The following ERG variants were observed in gnomAD, a reference collection of about 807,000 sequenced individuals.
The protein encoded by ERG is transcriptional regulator ERG.
In ERG, 9 loss-of-function variants were observed where a neutral mutation model predicts 55.3. The observed-to-expected ratio is 0.16, with a 90% CI of 0.10 to 0.28. The LOEUF (loss-of-function observed/expected upper bound fraction) is 0.28. Ranked by LOEUF, ERG falls within the 10% of genes least tolerant of loss-of-function variation. The pLI, the probability that ERG is intolerant of heterozygous loss-of-function variation, is 1.00. For synonymous variants in ERG, 223 were observed against 237.3 expected (o/e 0.94, Z 0.55); for missense variants, 434 against 631.6 (o/e 0.69, Z 3.35).
intron 2 of ERG, among the ~76,000 whole-genome samples, chr21:38,539,496 A>G (rs1464105208): frequency 6.6e-6 from 1 of 152,242 alleles, no homozygotes; most frequent in African/African-American, 2.4e-5. Flanking sequence ...GTAAAATTAC[A>G]TGATTCACAT....
intron 2 of ERG, among the ~76,000 whole-genome samples, chr21:38,513,450 C>G (rs575284271): frequency 6.6e-6 from 1 of 152,124 alleles, no homozygotes; most frequent in African/African-American, 2.4e-5. Context: ...AGAAGTATAT[C>G]AGTATGAGGA....
At chr21:38,430,753 C>G (rs1005750716) in intron 2 of ERG, among the ~76,000 whole-genome samples, 4 of 152,156 alleles carry the variant, frequency 2.6e-5, no homozygotes, top group Admixed American at 2.0e-4. Flanking sequence ...TAGCAACACC[C>G]TTGGGGCCAC....
chr21:38,584,279 T>TGC (rs1036117091), intron 1 of ERG, among the ~76,000 whole-genome samples: 6 of 152,356 alleles, frequency 3.9e-5, no homozygotes, highest in South Asian at 2.1e-4. Context: ...CTCATGGGCA[T>TGC]GCCTTAGAGA....
At chr21:38,563,158 G>A (rs372111713) in intron 2 of ERG, among the ~76,000 whole-genome samples, 1 of 152,364 alleles carries the variant, frequency 6.6e-6, no homozygotes, top group East Asian at 1.9e-4. Context: ...GTGAATTTGA[G>A]GGGCAGTGAA....
chr21:38,507,245 C>T (rs1568865433), intron 2 of ERG, among the ~76,000 whole-genome samples: 1 of 152,172 alleles, frequency 6.6e-6, no homozygotes, highest in African/African-American at 2.4e-5. Flanking sequence ...GGGGAGCCTT[C>T]GTGATATTTC....
chr21:38,639,096 G>A (rs1354079771), intron 1 of ERG, among the ~76,000 whole-genome samples: 1 of 152,050 alleles, frequency 6.6e-6, no homozygotes, highest in Non-Finnish European at 1.5e-5. Context: ...AGGAGATGCT[G>A]ACCAACCCAA....
rs138787898 is a variant in ERG at position 38,557,147 on chromosome 21, T to C, written c.-41+18515A>G. 6.6e-4 allele frequency among the ~76,000 whole-genome samples: 101 copies of C among 152,334 alleles called. 1 individual carries two copies. In the East Asian group the frequency reaches 0.017, roughly 25 times the overall value. ...ACTCAGGAAGAGAAAGTTCTAAATG[T>C]TTCTGTGACCTTGTGCCACTGATAT... On this transcript the variant is annotated intron_variant, in intron 2 of 8. Transcript: ENST00000398897.
intron 1 of ERG, among the ~76,000 whole-genome samples, chr21:38,497,489 A>G (rs1281553679): frequency 6.6e-6 from 1 of 152,138 alleles, no homozygotes; most frequent in African/African-American, 2.4e-5. Context: ...AAACAACTGA[A>G]CGGACCCCCA....
At chr21:38,453,839 G>A (rs1475597008) in intron 1 of ERG, among the ~76,000 whole-genome samples, 6 of 147,382 alleles carry the variant, frequency 4.1e-5, no homozygotes, top group South Asian at 2.2e-4. Context: ...AGCTGAGATC[G>A]CGCCACGGCA....
At position 38,400,619 on chromosome 21, in the gene ERG, T is replaced by C; in HGVS notation, c.700A>G (p.Thr234Ala). 1 of 1,606,696 alleles carries C rather than the reference T, an allele frequency of 6.2e-7. No individual in the cohort carries two copies. Among genetic ancestry groups the C allele is most frequent in the Non-Finnish European group, 8.5e-7 (1 of 1,173,718 alleles). Residue 234 changes from threonine to alanine, a missense_variant, in exon 6 of 10, where the codon ACT becomes GCT. By Grantham distance (58) the Thr-to-Ala change is moderately conservative. Coordinates refer to ENST00000288319, the MANE Select transcript of ERG (RefSeq NM_182918.4). ...TGCGTAGCTTCAGGATATACTGAAG[T>C]ATTTGGGAAAATAAAAGCTGCACCC... ...TGGAAFIFPN[T>A]SVYPEATQRI...
intron 3 of ERG, among the ~76,000 whole-genome samples, chr21:38,421,050 C>T (rs1239932271): frequency 6.6e-6 from 1 of 152,144 alleles, no homozygotes; most frequent in Non-Finnish European, 1.5e-5. Context: ...CCTCCAGGCA[C>T]ATCCTAGCCT....
At chr21:38,504,002 G>A (rs559331538) in intron 2 of ERG, among the ~76,000 whole-genome samples, 11 of 152,298 alleles carry the variant, frequency 7.2e-5, no homozygotes, top group Non-Finnish European at 1.2e-4. Context: ...GAGTATGTGT[G>A]TATGAGTGTG....
intron 1 of ERG, chr21:38,471,955 A>C (rs2059143177): frequency 6.6e-6 from 1 of 152,238 alleles, no homozygotes; most frequent in Admixed American, 6.5e-5. Flanking sequence ...TCTTTATGAG[A>C]TCACTGGATC....
At chr21:38,565,620 G>A (rs764325164) in intron 2 of ERG, among the ~76,000 whole-genome samples, 12 of 152,124 alleles carry the variant, frequency 7.9e-5, no homozygotes, top group African/African-American at 2.2e-4. Context: ...ACTCTTCCCC[G>A]TGTGATCATA....
intron 1 of ERG, among the ~76,000 whole-genome samples, chr21:38,613,852 C>A (rs775633645): frequency 6.6e-6 from 1 of 152,152 alleles, no homozygotes; most frequent in Non-Finnish European, 1.5e-5. Context: ...ACAGGCTGGG[C>A]CCCCCCTCTT....
chr21:38,573,761 C>T (rs1379483701), intron 2 of ERG, among the ~76,000 whole-genome samples: 1 of 152,188 alleles, frequency 6.6e-6, no homozygotes, highest in Non-Finnish European at 1.5e-5. Context: ...TGCTGAGCGC[C>T]GGTCCCCTGA....
rs765075805 is a variant in ERG, at chr21:38,423,486, G to A, written c.312C>T (p.Tyr104=). 1.2e-5 allele frequency: 19 copies of A among 1,614,028 alleles called. No individual in the cohort carries two copies. Among genetic ancestry groups the A allele is most frequent in the East Asian group, 2.2e-5 (1 of 44,886 alleles). Residue 104 remains tyrosine, a synonymous_variant, in exon 3 of 10, where the codon TAC becomes TAT. Coordinates refer to ENST00000288319, the MANE Select transcript of ERG (RefSeq NM_182918.4). The part of the protein sequence containing the change: ...VGSPDTVGMN[Y]GSYMEEKHMP... Reference sequence around the variant, plus strand: ...TGTGCTTCTCCTCCATGTAGCTGCCGTAGTTCATCCCAACGGTGTCTGGGC... The same window carrying A: ...TGTGCTTCTCCTCCATGTAGCTGCCATAGTTCATCCCAACGGTGTCTGGGC...
intron 7 of ERG, among the ~76,000 whole-genome samples, chr21:38,392,149 T>G (rs1034919263): frequency 4.6e-5 from 7 of 152,204 alleles, no homozygotes; most frequent in Non-Finnish European, 2.9e-5. Context: ...TTTGTGAAGG[T>G]TGACATACAC....
intron 2 of ERG, among the ~76,000 whole-genome samples, chr21:38,436,496 C>G (rs185188431): frequency 1.3e-5 from 2 of 152,180 alleles, no homozygotes; most frequent in Non-Finnish European, 2.9e-5. Context: ...TTCTAAGAAG[C>G]CCTGAGGGAG....
Sources: gnomAD v4.1 joint callset for allele counts (sites outside exome capture counted in the v4.1 genomes callset) on GRCh38, gnomAD v4.1.1 for gene constraint, MANE v1.5 for transcripts, NCBI Gene and HGNC (gene_info 2026-07-23, HGNC 2026-07-21) for gene names.